CLCN6: variants seen among roughly 807,000 people sequenced by gnomAD.
The protein encoded by CLCN6 is Cl-/H+ antiporter 6, also known as H(+)/Cl(-) exchange transporter 6.
CLCN6 carries 70 observed loss-of-function variants against 109.8 expected under a neutral mutation model. The observed-to-expected ratio is 0.64, with a 90% CI of 0.53 to 0.78. The LOEUF is 0.78. Among genes scored for constraint, CLCN6 ranks in the 30% least tolerant of loss-of-function variants. The probability of loss-of-function intolerance (pLI) is 0.00; values close to 1 mark genes in which losing one functional copy is unlikely to be tolerated. For missense variants in CLCN6, 984 were observed against 1,142.3 expected, an observed-to-expected ratio of 0.86 and a Z score of 2.00; for synonymous variants, 444 against 447.8, an observed-to-expected ratio of 0.99 and a Z score of 0.11.
intron 6 of CLCN6, among the ~76,000 whole-genome samples, chr1:11,823,046 AAAC>A (rs1253950889): frequency 1.3e-5 from 2 of 152,218 alleles, no homozygotes; most frequent in Non-Finnish European, 2.9e-5. Flanking sequence ...AAAGGGCTGA[AAAC>A]AAAACTGTTG....
chr1:11,828,724 T>C, intron 12 of CLCN6, 100 bp downstream of exon 12: 9 of 1,256,784 alleles, frequency 7.2e-6, no homozygotes, highest in Admixed American at 2.3e-5. Context: ...CCTCCACGGC[T>C]TTGATTTCTC....
At position 11,842,547 on chromosome 1, in the gene CLCN6, A is replaced by G. The variant is rs988893602; in HGVS notation, c.*2324A>G. On this transcript the variant is annotated 3_prime_UTR_variant, in exon 23 of 23. Transcript: ENST00000346436. ...AACCAGCCTTTTCAGCATCTCACCC[A>G]TTAGCAGCCCCATCACCCAGTGATC... The G allele has an allele frequency of 1.3e-5, 2 of 152,716 alleles. No homozygotes were observed. The highest frequency in any genetic ancestry group is 2.4e-5 in the African/African-American group (1 of 41,456). 9.5% of individuals were successfully genotyped at this position (152,716 alleles called of 1,614,324 possible). A position where few individuals can be genotyped will look rare whatever the true frequency, so the allele number is the denominator to read the frequency against.
chr1:11,835,826 G>T lies in CLCN6; in HGVS notation c.1794-141G>T. 2 of 631,868 alleles carry T rather than the reference G, an allele frequency of 3.2e-6. 1 individual carries two copies. The allele number at this position is 631,868 out of a possible 1,614,324, so 39.1% of individuals were successfully genotyped here. A position where few individuals can be genotyped will look rare whatever the true frequency, so the allele number is the denominator to read the frequency against. ...GATAGAAGTACAAAGGAATGCATCG[G>T]GTTTGAGGGAGAGCTGGGGCAGTTC... On this transcript the variant is annotated intron_variant, in intron 17 of 22. Coordinates refer to ENST00000346436, the MANE Select transcript of CLCN6 (RefSeq NM_001286.5).
intron 4 of CLCN6, 94 bp from the exon 5 acceptor site, chr1:11,819,394 G>T: frequency 1.8e-6 from 2 of 1,100,926 alleles, no homozygotes; most frequent in South Asian, 1.2e-5. Context: ...TATGTGCAGT[G>T]GGGGAGGAGA....
At position 11,836,129 on chromosome 1, in the gene CLCN6, C is replaced by T. The variant is rs777555316; in HGVS notation, c.1956C>T (p.Leu652=). The T allele has an allele frequency of 1.2e-6, 2 of 1,612,920 alleles. No homozygotes were observed. Among genetic ancestry groups the T allele is most frequent in the Non-Finnish European group, 1.7e-6 (2 of 1,179,706 alleles). ...NEKEFMKGNQ[L]ISNNIKFKKS... ...AGGAGTTCATGAAGGGCAACCAGCT[C>T]ATCAGCAACAACATCAAGTTCAAGG... Residue 652 remains leucine (L), a synonymous_variant, in exon 18 of 23, where the codon CTC becomes CTT. Coordinates refer to ENST00000346436, the MANE Select transcript of CLCN6 (RefSeq NM_001286.5).
intron 22 of CLCN6, among the ~76,000 whole-genome samples, 172 bp from the exon 23 acceptor site, chr1:11,839,971 G>C (rs1644998489): frequency 6.6e-6 from 1 of 152,186 alleles, no homozygotes; most frequent in African/African-American, 2.4e-5. Context: ...TGTCCCCTTG[G>C]CCTCCAGTGT....
chr1:11,808,033 G>A (rs1291315505), intron 2 of CLCN6, among the ~76,000 whole-genome samples: 1 of 151,984 alleles, frequency 6.6e-6, no homozygotes, highest in East Asian at 1.9e-4. Context: ...AGGATTTGTA[G>A]CACTTTTTTG....
chr1:11,816,568 GC>G, intron 3 of CLCN6, 46 bp from the exon 4 acceptor site: 2 of 1,561,712 alleles, frequency 1.3e-6, no homozygotes, highest in Non-Finnish European at 1.8e-6. Context: ...CTTCCCCTCT[GC>G]CACCATAACC....
intron 14 of CLCN6, 47 bp downstream of exon 14, chr1:11,833,685 C>G (rs372963046): frequency 6.2e-7 from 1 of 1,609,596 alleles, no homozygotes; most frequent in South Asian, 1.1e-5. Flanking sequence ...GGTGTCATCT[C>G]GGACACAGCC....
intron 8 of CLCN6, among the ~76,000 whole-genome samples, chr1:11,825,347 G>A (rs1344430212): frequency 6.6e-6 from 1 of 152,230 alleles, no homozygotes; most frequent in East Asian, 1.9e-4. Context: ...GCCAAGGGGT[G>A]GAAGGCCAGG....
chr1:11,806,209 T>C lies in CLCN6; in HGVS notation c.-54T>C. The stretch of plus-strand genomic sequence containing the variant: ...CGGGGCCAGTCACGTGAGGCGCAGA[T>C]CCTGGCTGGGAGGGGGTTGGTAGAG... On this transcript the variant is annotated 5_prime_UTR_variant, in exon 1 of 23. Coordinates refer to ENST00000346436, the MANE Select transcript of CLCN6 (RefSeq NM_001286.5). 1 of 1,378,594 alleles carries C rather than the reference T, an allele frequency of 7.3e-7. No individual in the cohort carries two copies. The highest frequency in any genetic ancestry group is 9.5e-7 in the Non-Finnish European group (1 of 1,057,550). 85.4% of individuals were successfully genotyped at this position (1,378,594 alleles called of 1,614,324 possible). A position where few individuals can be genotyped will look rare whatever the true frequency, so the allele number is the denominator to read the frequency against.
chr1:11,822,209 A>G (rs1476568221), intron 5 of CLCN6, among the ~76,000 whole-genome samples: 1 of 151,954 alleles, frequency 6.6e-6, no homozygotes, highest in African/African-American at 2.4e-5. Flanking sequence ...GGTATTCGTT[A>G]CTTTTTGTAA....
At position 11,807,187 on chromosome 1, in the gene CLCN6, T is replaced by G; in HGVS notation, c.144T>G (p.Tyr48Ter). The part of the protein sequence containing the change: ...EEDEILPRKD[Y>*]ESLDYDRCIN... ...ATGAGATTCTTCCAAGGAAAGACTA[T>G]GAGGTGAGCTCCTTTGATACTGCTT... Residue 48 changes from tyrosine (Y) to a stop codon, truncating the protein, a stop_gained, in exon 2 of 23, where the codon TAT (tyrosine) becomes TAG (stop). Transcript: ENST00000346436. LOFTEE classifies it high-confidence loss of function. The G allele has an allele frequency of 6.2e-7, 1 of 1,613,994 alleles. No individual in the cohort carries two copies. Among genetic ancestry groups the G allele is most frequent in the Non-Finnish European group, 8.5e-7 (1 of 1,179,860 alleles).
Position 11,834,191 on chromosome 1 carries a change from A to G in CLCN6, c.1527-45A>G, listed in dbSNP as rs139154068. 1.5e-5 allele frequency: 24 copies of G among 1,600,244 alleles called. No individual in the cohort carries two copies. The highest frequency in any genetic ancestry group is 2.2e-5 in the South Asian group (2 of 89,530). Reference sequence around the variant, plus strand: ...GAGCTGTAGGTCCTCCCCACAGCCTATCAGTGTGGTTCAAAGCCATGTTCT... The same window carrying G: ...GAGCTGTAGGTCCTCCCCACAGCCTGTCAGTGTGGTTCAAAGCCATGTTCT... On this transcript the variant is annotated intron_variant, in intron 15 of 22. Coordinates refer to ENST00000346436, the MANE Select transcript of CLCN6 (RefSeq NM_001286.5). The surrounding 1 kb of genome is among the most constrained non-coding windows in gnomAD (Gnocchi z 4.5).
chr1:11,822,564 A>G, intron 5 of CLCN6, 131 bp from the exon 6 acceptor site: 2 of 571,568 alleles, frequency 3.5e-6, no homozygotes, highest in Non-Finnish European at 6.3e-6. Context: ...TTTTTAAAAA[A>G]TTTTTATATA....
intron 13 of CLCN6, among the ~76,000 whole-genome samples, chr1:11,831,668 G>T (rs1483615183): frequency 6.6e-6 from 1 of 152,138 alleles, no homozygotes; most frequent in African/African-American, 2.4e-5. Context: ...TGGTCAAATG[G>T]GCTAGGAATT....
chr1:11,818,023 AG>A (rs1430050135), intron 4 of CLCN6, among the ~76,000 whole-genome samples: 1 of 152,058 alleles, frequency 6.6e-6, no homozygotes, highest in African/African-American at 2.4e-5. Flanking sequence ...GCATTTTGAG[AG>A]GCCGAGACAG....
chr1:11,838,497 G>T, intron 21 of CLCN6, 38 bp from the exon 22 acceptor site: 3 of 1,606,822 alleles, frequency 1.9e-6, no homozygotes, highest in South Asian at 1.1e-5. Flanking sequence ...CATGCCGTTG[G>T]CGTCTCAGGC....
At chr1:11,820,129 A>G (rs1400660570) in intron 5 of CLCN6, among the ~76,000 whole-genome samples, 1 of 152,246 alleles carries the variant, frequency 6.6e-6, no homozygotes, top group Admixed American at 6.5e-5. Context: ...ATTACAAATC[A>G]GTGAGGGAGT....
Sources: allele counts gnomAD v4.1 joint callset (sites outside exome capture counted in the v4.1 genomes callset), GRCh38; gene constraint gnomAD v4.1.1; non-coding constraint Gnocchi (gnomAD v3.1); transcripts MANE v1.5; gene names NCBI Gene and HGNC (gene_info 2026-07-23, HGNC 2026-07-21).